The following RTN4RL1 variants were observed in gnomAD, a reference collection of about 807,000 sequenced individuals.
RTN4RL1 encodes reticulon-4 receptor-like 1.
Under a neutral mutation model 25.6 loss-of-function variants are expected in RTN4RL1, and 7 were observed. The observed-to-expected ratio is 0.27, with a 90% CI of 0.16 to 0.51. The LOEUF (loss-of-function observed/expected upper bound fraction) is 0.51. Among genes scored for constraint, RTN4RL1 ranks in the 20% least tolerant of loss-of-function variants. RTN4RL1 has a pLI of 0.97. For synonymous variants in RTN4RL1, 297 were observed against 288.2 expected (o/e 1.03, Z -0.31); for missense variants, 500 against 615.6 (o/e 0.81, Z 1.99).
rs141257839 is a variant in RTN4RL1, at chr17:1,950,897, A to ACT, written c.14-13091_14-13090dup. The stretch of plus-strand genomic sequence containing the variant: ...AAAGGCTACTTGGCAACATACTGAG[A>ACT]CTCTCTCTCTCTCTCTGTCTCTCTT... On this transcript the variant is annotated intron_variant, in intron 1 of 1. Coordinates refer to ENST00000331238, the MANE Select transcript of RTN4RL1 (RefSeq NM_178568.4). Among the ~76,000 whole-genome samples, 61 of 141,320 alleles carry ACT rather than the reference A, an allele frequency of 4.3e-4. No individual in the cohort carries two copies. In the Middle Eastern group the frequency reaches 0.018, roughly 42 times the overall value. The allele number at this position is 141,320 out of a possible 152,430, so 92.7% of individuals were successfully genotyped here. A position where few individuals can be genotyped will look rare whatever the true frequency, so the allele number is the denominator to read the frequency against.
intron 1 of RTN4RL1, among the ~76,000 whole-genome samples, chr17:2,009,603 A>AG (rs2067029052): frequency 8.0e-6 from 1 of 125,028 alleles, no homozygotes; most frequent in Non-Finnish European, 1.7e-5. Context: ...AAAAAAAAAA[A>AG]AAAAGGCAGG....
intron 1 of RTN4RL1, among the ~76,000 whole-genome samples, chr17:2,007,548 G>C (rs1009184248): frequency 6.6e-6 from 1 of 152,152 alleles, no homozygotes; most frequent in Non-Finnish European, 1.5e-5. Flanking sequence ...CACAAAGTGG[G>C]TAGGCCAGGC....
chr17:1,937,564 G>A lies in RTN4RL1; in HGVS notation c.258C>T (p.Asn86=), dbSNP rs1159529939. Residue 86 remains asparagine, a synonymous_variant, in exon 2 of 2, where the codon AAC becomes AAT. Coordinates refer to ENST00000331238, the MANE Select transcript of RTN4RL1 (RefSeq NM_178568.4). The part of the protein sequence containing the change: ...PAMVTLWIYS[N]NITYIHPSTF... ...TGCTGGGGTGGATGTAGGTGATGTT[G>A]TTCGAGTAGATCCACAGGGTGACCA... 2 of 1,613,844 alleles carry A rather than the reference G, an allele frequency of 1.2e-6. No homozygotes were observed. The highest frequency in any genetic ancestry group is 2.2e-5 in the East Asian group (1 of 44,892).
At chr17:1,941,577 T>C (rs4525524) in intron 1 of RTN4RL1, among the ~76,000 whole-genome samples, 22,957 of 151,906 alleles carry the variant, frequency 0.15, 1,966 homozygotes, top group Non-Finnish European at 0.18. Flanking sequence ...TGCCTGAGGA[T>C]GGTGGAGGGC....
intron 1 of RTN4RL1, among the ~76,000 whole-genome samples, chr17:2,008,568 C>G (rs1296853977): frequency 6.6e-6 from 1 of 152,048 alleles, no homozygotes; most frequent in South Asian, 2.1e-4. Context: ...TCTGTGTTTG[C>G]TCCCTGGGTA....
chr17:1,998,602 G>A lies in RTN4RL1; in HGVS notation c.13+26251C>T, dbSNP rs1275341906. On this transcript the variant is annotated intron_variant, in intron 1 of 1. Transcript: ENST00000331238. This position sits in a 1 kb window ranked among gnomAD's most constrained non-coding sequence, Gnocchi z 4.9. ...ACAGACGTGAACGCTGAGGCGGAGG[G>A]TGGGGGACGTGGGGCCGGCTCGCCT... Among the ~76,000 whole-genome samples, 1 of 152,126 alleles carries A rather than the reference G, an allele frequency of 6.6e-6. No homozygotes were observed. The highest frequency in any genetic ancestry group is 1.5e-5 in the Non-Finnish European group (1 of 68,004).
chr17:1,959,491 C>T (rs1178088732), intron 1 of RTN4RL1, among the ~76,000 whole-genome samples: 2 of 152,168 alleles, frequency 1.3e-5, no homozygotes, highest in Non-Finnish European at 2.9e-5. Context: ...ATCCCCAGAG[C>T]TCAGCCCTTG....
intron 1 of RTN4RL1, among the ~76,000 whole-genome samples, chr17:2,002,397 A>C (rs955277146): frequency 6.7e-6 from 1 of 149,740 alleles, no homozygotes; most frequent in South Asian, 2.1e-4. Flanking sequence ...GGTTCACGCC[A>C]TTCTCCTGCC....
At chr17:1,940,456 G>A (rs1041737088) in intron 1 of RTN4RL1, among the ~76,000 whole-genome samples, 9 of 152,190 alleles carry the variant, frequency 5.9e-5, no homozygotes, top group East Asian at 1.9e-4. Context: ...CCTACCACAC[G>A]TAGGAGATGA....
Position 1,969,924 on chromosome 17 carries a change from C to A in RTN4RL1, c.14-32116G>T, listed in dbSNP as rs182983319. Among the ~76,000 whole-genome samples the A allele has an allele frequency of 7.2e-5, 11 of 151,974 alleles. No individual in the cohort carries two copies. In the East Asian group the frequency reaches 2.1e-3, roughly 29 times the overall value. On this transcript the variant is annotated intron_variant, in intron 1 of 1. Transcript: ENST00000331238. The stretch of plus-strand genomic sequence containing the variant: ...TCATGTGGTTGCAGTCAGATGGTGG[C>A]AGGGGCTGGAGTCATTTGGGAACTG...
In RTN4RL1 at chr17:1,940,223, TA is replaced by T. The variant is rs539829210; in HGVS notation, c.14-2416del. ...GCTTCGACTGAACATTTCCAACACA[TA>T]AAAATCATCGTACATAATTTGTTTT... On this transcript the variant is annotated intron_variant, in intron 1 of 1. Coordinates refer to ENST00000331238, the MANE Select transcript of RTN4RL1 (RefSeq NM_178568.4). Among the ~76,000 whole-genome samples the T allele has an allele frequency of 5.1e-3, 784 of 152,318 alleles. 5 individuals are homozygous for T. The highest frequency in any genetic ancestry group is 9.7e-3 in the Admixed American group (148 of 15,298).
chr17:1,989,439 G>T (rs2066900345), intron 1 of RTN4RL1, among the ~76,000 whole-genome samples: 1 of 152,074 alleles, frequency 6.6e-6, no homozygotes, highest in Non-Finnish European at 1.5e-5. Flanking sequence ...GGACGAGAAG[G>T]CTCTACTGCG....
intron 1 of RTN4RL1, among the ~76,000 whole-genome samples, chr17:2,010,642 C>T (rs901529193): frequency 7.2e-5 from 11 of 152,068 alleles, no homozygotes; most frequent in Non-Finnish European, 1.5e-4. Flanking sequence ...ATTGCAGCCA[C>T]GGTCTCCTGG....
intron 1 of RTN4RL1, among the ~76,000 whole-genome samples, chr17:1,993,747 G>A (rs999862838): frequency 6.6e-6 from 1 of 151,476 alleles, no homozygotes; most frequent in South Asian, 2.1e-4. Flanking sequence ...GAGAAAACTG[G>A]CTCAGTTGGT....
At chr17:1,962,216 A>T (rs973945574) in intron 1 of RTN4RL1, among the ~76,000 whole-genome samples, 1 of 150,992 alleles carries the variant, frequency 6.6e-6, no homozygotes, top group Non-Finnish European at 1.5e-5. Flanking sequence ...GGAGGTGAAG[A>T]CTGCCATGAG....
intron 1 of RTN4RL1, among the ~76,000 whole-genome samples, chr17:1,976,003 T>G (rs1475065437): frequency 1.3e-5 from 2 of 152,224 alleles, no homozygotes; most frequent in Non-Finnish European, 2.9e-5. Flanking sequence ...GGCAATTTTC[T>G]TGAACTCTAT....
rs1273767304 is a variant in RTN4RL1 at position 1,937,291 on chromosome 17, G to T, written c.531C>A (p.His177Gln). The T allele has an allele frequency of 6.2e-7, 1 of 1,613,168 alleles. No homozygotes were observed. Among genetic ancestry groups the T allele is most frequent in the East Asian group, 2.2e-5 (1 of 44,868 alleles). ...DIFVDLVNLS[H>Q]LFLHGNKLWS... ...ACAGCTTGTTGCCGTGGAGAAACAG[G>T]TGGCTGAGGTTGACCAGGTCCACGA... Residue 177 changes from histidine to glutamine, a missense_variant, in exon 2 of 2, where the codon CAC becomes CAA. By Grantham distance (24) the His-to-Gln change is conservative (BLOSUM62 0). Transcript: ENST00000331238.
Position 2,024,917 on chromosome 17 carries a change from G to A in RTN4RL1, c.-52C>T. The A allele has an allele frequency of 2.6e-6, 4 of 1,552,738 alleles. No individual in the cohort carries two copies. The highest frequency in any genetic ancestry group is 3.5e-6 in the Non-Finnish European group (4 of 1,148,580). ...GTCGGCCTAGGCGCACTCCCTCCCG[G>A]GGTCCAGATTCAAATCCCTGGGCGC... On this transcript the variant is annotated 5_prime_UTR_variant, in exon 1 of 2. Transcript: ENST00000331238.
intron 1 of RTN4RL1, among the ~76,000 whole-genome samples, chr17:1,945,483 G>A (rs1915517273): frequency 6.6e-6 from 1 of 152,176 alleles, no homozygotes; most frequent in South Asian, 2.1e-4. Context: ...GCCTCCCAAA[G>A]TGCTGGGATT....
Sources: gnomAD v4.1 joint callset for allele counts (sites outside exome capture counted in the v4.1 genomes callset) on GRCh38, gnomAD v4.1.1 for gene constraint, Gnocchi (gnomAD v3.1) non-coding constraint, MANE v1.5 for transcripts, NCBI Gene and HGNC (gene_info 2026-07-23, HGNC 2026-07-21) for gene names.